Variants in DTNA observed in about 807,000 individuals in gnomAD.
DTNA encodes the protein dystrobrevin alpha, also known as dystrophin-related protein 3.
In DTNA, 43 loss-of-function variants were observed where a neutral mutation model predicts 100.7. The ratio of observed to expected loss-of-function variants is 0.43; its 90% CI spans 0.33 to 0.55. The LOEUF is 0.55. Ranked by LOEUF, DTNA falls within the 20% of genes least tolerant of loss-of-function variation. The pLI, the probability that DTNA is intolerant of heterozygous loss-of-function variation, is 0.04. For missense variants in DTNA, 798 were observed against 953.9 expected (o/e 0.84, Z 2.15); for synonymous variants, 349 against 347.9 (o/e 1.00, Z -0.04).
At chr18:34,827,984 A>C (rs934518971) in intron 10 of DTNA, among the ~76,000 whole-genome samples, 5 of 152,178 alleles carry the variant, frequency 3.3e-5, no homozygotes, top group Non-Finnish European at 7.3e-5. Flanking sequence ...AGTCACGTTC[A>C]TAGTCCTCAG....
chr18:34,838,101 C>T lies in DTNA; in HGVS notation c.1183C>T (p.Pro395Ser), dbSNP rs768198248. 39 of 1,613,782 alleles carry T rather than the reference C, an allele frequency of 2.4e-5. No individual in the cohort carries two copies. In the South Asian group the frequency reaches 4.2e-4, roughly 17 times the overall value. Reference protein sequence around the residue: ...NQLDHGARSPPKDSEVEQNKL... With the variant: ...NQLDHGARSPSKDSEVEQNKL... ...TCCCATCTTATTAACTAGCTCTCCT[C>T]CCAAGGACAGTGAAGTAGAGCAGAA... Residue 395 changes from proline (P) to serine (S), a missense_variant, in exon 12 of 23, where the codon CCC becomes TCC. By Grantham distance (74) the Pro-to-Ser change is moderately conservative. Transcript: ENST00000444659.
chr18:34,746,967 GT>G (rs1335458462), intron 1 of DTNA, among the ~76,000 whole-genome samples: 1 of 152,012 alleles, frequency 6.6e-6, no homozygotes, highest in Non-Finnish European at 1.5e-5. Flanking sequence ...AGAATAAGAG[GT>G]TTCTTCCTGA....
chr18:34,816,786 T>C (rs1249343548), intron 7 of DTNA, among the ~76,000 whole-genome samples: 3 of 152,238 alleles, frequency 2.0e-5, no homozygotes, highest in South Asian at 2.1e-4. Context: ...TGTGTATTTC[T>C]TTAATATACA....
intron 3 of DTNA, among the ~76,000 whole-genome samples, chr18:34,771,033 T>G (rs573871092): frequency 6.6e-6 from 1 of 152,166 alleles, no homozygotes; most frequent in Non-Finnish European, 1.5e-5. Context: ...AAGAATTACA[T>G]TCTTCTCATT....
At chr18:34,493,468 T>C (rs1242550644) in exon 1 of DTNA, 1 of 152,120 alleles carries the variant, frequency 6.6e-6, no homozygotes, top group Non-Finnish European at 1.5e-5. Context: ...ATGGACACCT[T>C]CTAAGAGTTT....
At chr18:34,747,058 T>C (rs1568392522) in intron 1 of DTNA, among the ~76,000 whole-genome samples, 2 of 151,552 alleles carry the variant, frequency 1.3e-5, no homozygotes, top group South Asian at 2.1e-4. Context: ...TTCTGTTTCT[T>C]AAAGTTTGCC....
At chr18:34,663,196 C>A (rs1443879093) in intron 1 of DTNA, among the ~76,000 whole-genome samples, 1 of 151,954 alleles carries the variant, frequency 6.6e-6, no homozygotes, top group Non-Finnish European at 1.5e-5. Context: ...CTCTGTCATC[C>A]AAGCTGGAGT....
At chr18:34,710,574 C>T (rs2082696371) in intron 1 of DTNA, 129 bp downstream of exon 1, 2 of 151,886 alleles carry the variant, frequency 1.3e-5, no homozygotes, top group African/African-American at 4.8e-5. Context: ...TTTCTCCTGC[C>T]CACCCTCCTA....
intron 1 of DTNA, among the ~76,000 whole-genome samples, chr18:34,732,839 G>T (rs1601038257): frequency 6.6e-6 from 1 of 152,198 alleles, no homozygotes; most frequent in South Asian, 2.1e-4. Flanking sequence ...TATACCTGTT[G>T]TTGGGGTTCT....
chr18:34,699,234 A>G (rs894039208), intron 1 of DTNA, among the ~76,000 whole-genome samples: 1 of 152,000 alleles, frequency 6.6e-6, no homozygotes, highest in African/African-American at 2.4e-5. Context: ...GAGGCTGAGA[A>G]GTCTCCAGGT....
At chr18:34,609,306 G>A (rs1449657418) in intron 1 of DTNA, among the ~76,000 whole-genome samples, 2 of 148,304 alleles carry the variant, frequency 1.3e-5, no homozygotes, top group South Asian at 2.1e-4. Context: ...GTGCAGTGGC[G>A]CAATCTCGGC....
At chr18:34,753,294 C>T (rs2092469620) in intron 1 of DTNA, among the ~76,000 whole-genome samples, 1 of 151,984 alleles carries the variant, frequency 6.6e-6, no homozygotes, top group African/African-American at 2.4e-5. Context: ...GGCTTTACCT[C>T]TGATATTTTC....
chr18:34,725,356 G>T lies in DTNA; in HGVS notation c.-2+14911G>T, dbSNP rs559096946. Among the ~76,000 whole-genome samples, 49 of 151,564 alleles carry T rather than the reference G, an allele frequency of 3.2e-4. 1 individual carries two copies. The highest frequency in any genetic ancestry group is 1.1e-3 in the African/African-American group (46 of 41,320). ...TTTTGCAATCTATCCATCTGACAAA[G>T]GGCTAATATCTAGAATCTACAAAGA... On this transcript the variant is annotated intron_variant, in intron 1 of 22. Transcript: ENST00000444659.
chr18:34,837,461 A>T (rs191149548), intron 11 of DTNA, among the ~76,000 whole-genome samples: 6 of 152,230 alleles, frequency 3.9e-5, no homozygotes, highest in Non-Finnish European at 7.3e-5. Context: ...TAATGAATCC[A>T]TAATGTTAAG....
intron 1 of DTNA, among the ~76,000 whole-genome samples, chr18:34,731,428 G>A (rs544700805): frequency 1.7e-4 from 26 of 152,032 alleles, no homozygotes; most frequent in African/African-American, 5.5e-4. Flanking sequence ...GCAGTGAGCC[G>A]AGATTGCGCC....
chr18:34,806,201 T>C lies in DTNA; in HGVS notation c.363-18T>C. 6 of 1,611,074 alleles carry C rather than the reference T, an allele frequency of 3.7e-6. No individual in the cohort carries two copies. Among genetic ancestry groups the C allele is most frequent in the Non-Finnish European group, 5.1e-6 (6 of 1,177,458 alleles). ...GTTTTGTTTTTGTTTTTGTTTTTTT[T>C]CTATTACCATTAAACAGGGAAGGCC... On this transcript the variant is annotated intron_variant, in intron 4 of 22. Transcript: ENST00000444659.
chr18:34,576,648 G>A (rs2048137803), intron 1 of DTNA, among the ~76,000 whole-genome samples: 1 of 152,000 alleles, frequency 6.6e-6, no homozygotes, highest in Non-Finnish European at 1.5e-5. Flanking sequence ...TAGTAAAGAT[G>A]GGGTTTCACT....
At chr18:34,753,366 A>ATTTTTT (rs757853063) in intron 1 of DTNA, among the ~76,000 whole-genome samples, 8 of 133,154 alleles carry the variant, frequency 6.0e-5, no homozygotes, top group African/African-American at 2.2e-4. Context: ...TATTTATTTT[A>ATTTTTT]TTTTTTTTTT....
At chr18:34,566,386 A>T (rs1198715232) in intron 1 of DTNA, among the ~76,000 whole-genome samples, 2 of 152,226 alleles carry the variant, frequency 1.3e-5, no homozygotes, top group African/African-American at 4.8e-5. Flanking sequence ...TTAAAAGTCC[A>T]ATTTTTCATG....
Sources: allele counts gnomAD v4.1 joint callset (sites outside exome capture counted in the v4.1 genomes callset), GRCh38; gene constraint gnomAD v4.1.1; transcripts MANE v1.5; gene names NCBI Gene and HGNC (gene_info 2026-07-23, HGNC 2026-07-21).